The following DLG2 variants were observed in gnomAD, a reference collection of about 807,000 sequenced individuals.
DLG2 encodes disks large homolog 2.
Under a neutral mutation model 132.5 loss-of-function variants are expected in DLG2, and 45 were observed. The observed-to-expected ratio is 0.34, with a 90% CI of 0.27 to 0.44. The LOEUF is 0.44. Among genes scored for constraint, DLG2 ranks in the 20% least tolerant of loss-of-function variants. The pLI is 1.00. For missense variants in DLG2, 1,045 were observed against 1,196.9 expected (o/e 0.87, Z 1.87); for synonymous variants, 424 against 419.6 (o/e 1.01, Z -0.13).
At chr11:84,057,286 G>A (rs562989659) in intron 11 of DLG2, among the ~76,000 whole-genome samples, 30 of 152,294 alleles carry the variant, frequency 2.0e-4, no homozygotes, top group African/African-American at 6.0e-4. Flanking sequence ...TCAGCTAGAA[G>A]AAGGTCTATA....
At chr11:83,524,741 T>C (rs1420100585) in intron 21 of DLG2, among the ~76,000 whole-genome samples, 2 of 152,166 alleles carry the variant, frequency 1.3e-5, no homozygotes, top group Non-Finnish European at 2.9e-5. Context: ...TACGTAATAT[T>C]AAGCTTCCTT....
chr11:85,372,016 T>C (rs2085021590), intron 3 of DLG2, among the ~76,000 whole-genome samples: 2 of 152,170 alleles, frequency 1.3e-5, no homozygotes, highest in South Asian at 2.1e-4. Context: ...ACTTATACAT[T>C]TGTCATTAAA....
At chr11:85,025,266 C>T (rs1270135385) in intron 6 of DLG2, among the ~76,000 whole-genome samples, 2 of 152,122 alleles carry the variant, frequency 1.3e-5, no homozygotes, top group Non-Finnish European at 2.9e-5. Flanking sequence ...GGACAATAAA[C>T]AAATTTCCTC....
chr11:85,137,163 G>T (rs2076188004), intron 5 of DLG2, among the ~76,000 whole-genome samples: 1 of 152,064 alleles, frequency 6.6e-6, no homozygotes, highest in Admixed American at 6.6e-5. Flanking sequence ...TCTAGCTGAA[G>T]TGTTACAAGT....
intron 11 of DLG2, among the ~76,000 whole-genome samples, chr11:84,036,205 G>A (rs990601840): frequency 3.3e-5 from 5 of 151,806 alleles, no homozygotes; most frequent in African/African-American, 4.8e-5. Flanking sequence ...AGGCTTTAGA[G>A]GTTAAAGAAA....
At chr11:85,093,916 T>A (rs1305848734) in intron 6 of DLG2, among the ~76,000 whole-genome samples, 1 of 152,178 alleles carries the variant, frequency 6.6e-6, no homozygotes, top group African/African-American at 2.4e-5. Context: ...CCATTGCATC[T>A]CAAACCATAC....
intron 7 of DLG2, among the ~76,000 whole-genome samples, chr11:84,432,533 T>G (rs1035741127): frequency 7.0e-6 from 1 of 143,262 alleles, no homozygotes; most frequent in African/African-American, 3.0e-5. Flanking sequence ...AAGGCTAATT[T>G]AATCCCCTCC....
intron 6 of DLG2, among the ~76,000 whole-genome samples, chr11:84,577,562 T>A (rs770499195): frequency 5.3e-5 from 8 of 152,186 alleles, no homozygotes; most frequent in Non-Finnish European, 1.2e-4. Flanking sequence ...CCTAGAGATT[T>A]GTGGAACTTT....
At chr11:85,242,251 A>G (rs919680857) in intron 4 of DLG2, among the ~76,000 whole-genome samples, 1 of 151,886 alleles carries the variant, frequency 6.6e-6, no homozygotes, top group African/African-American at 2.4e-5. Flanking sequence ...CTATTGACAA[A>G]TCTGCTATCA....
In DLG2 at chr11:84,042,745, G is replaced by A. The variant is rs116706716; in HGVS notation, c.919+16570C>T. Among the ~76,000 whole-genome samples the A allele has an allele frequency of 4.9e-3, 741 of 151,892 alleles. 4 individuals carry two copies. Among genetic ancestry groups the A allele is most frequent in the African/African-American group, 0.017 (722 of 41,480 alleles). The stretch of plus-strand genomic sequence containing the variant: ...CATGTCCTTTAGAGGGGCATGGATG[G>A]AATTGGAGCCATTATCCTCAGCAAA... On this transcript the variant is annotated intron_variant, in intron 11 of 27. Coordinates refer to ENST00000376104, the MANE Select transcript of DLG2 (RefSeq NM_001142699.3).
Position 83,982,005 on chromosome 11 carries a change from T to TG in DLG2, c.920-1364dup, listed in dbSNP as rs2092822133. On this transcript the variant is annotated intron_variant, in intron 11 of 27. Coordinates refer to ENST00000376104, the MANE Select transcript of DLG2 (RefSeq NM_001142699.3). ...GAGCTGAGAAATGGCTATTGCCAAG[T>TG]GACATCATAGTCATTGTAACATCAT... Among the ~76,000 whole-genome samples, 4 of 152,332 alleles carry TG rather than the reference T, an allele frequency of 2.6e-5. No individual in the cohort carries two copies. The South Asian group carries it at 8.3e-4, about 32-fold the overall frequency.
At chr11:85,351,448 T>C (rs535489956) in intron 3 of DLG2, among the ~76,000 whole-genome samples, 1 of 152,354 alleles carries the variant, frequency 6.6e-6, no homozygotes, top group African/African-American at 2.4e-5. Flanking sequence ...CAACACTATG[T>C]TGAATAGGAG....
chr11:84,267,022 GA>G (rs1390125752), intron 7 of DLG2, among the ~76,000 whole-genome samples: 1 of 152,134 alleles, frequency 6.6e-6, no homozygotes, highest in Non-Finnish European at 1.5e-5. Context: ...ATCCAAAGCA[GA>G]AAAAAATGCA....
At chr11:84,559,175 T>C (rs2099418066) in intron 6 of DLG2, among the ~76,000 whole-genome samples, 1 of 152,142 alleles carries the variant, frequency 6.6e-6, no homozygotes, top group Non-Finnish European at 1.5e-5. Flanking sequence ...CCTATCAGTA[T>C]GTAGAGTACC....
chr11:83,633,743 A>AAACACAC (rs1555268409), intron 18 of DLG2, among the ~76,000 whole-genome samples: 1 of 143,202 alleles, frequency 7.0e-6, no homozygotes. Context: ...CACAGAACTA[A>AAACACAC]ACACACACAC....
intron 18 of DLG2, among the ~76,000 whole-genome samples, chr11:83,634,804 T>G (rs1055914907): frequency 6.6e-6 from 1 of 152,118 alleles, no homozygotes; most frequent in African/African-American, 2.4e-5. Flanking sequence ...AACAGGAAAA[T>G]AAACTCTGAA....
intron 6 of DLG2, among the ~76,000 whole-genome samples, chr11:84,734,529 G>A (rs181735601): frequency 3.9e-4 from 59 of 152,292 alleles, no homozygotes; most frequent in African/African-American, 1.3e-3. Context: ...AGCTTAAGGA[G>A]ATTTTGGGCT....
At chr11:85,035,872 T>C (rs969586071) in intron 6 of DLG2, among the ~76,000 whole-genome samples, 11 of 152,194 alleles carry the variant, frequency 7.2e-5, no homozygotes, top group Non-Finnish European at 1.5e-4. Flanking sequence ...CCGTCATGCA[T>C]ATTTGGCTTC....
chr11:83,902,080 A>T (rs1293747134), intron 15 of DLG2, among the ~76,000 whole-genome samples: 4 of 152,176 alleles, frequency 2.6e-5, no homozygotes, highest in African/African-American at 7.2e-5. Flanking sequence ...GCTAAACACT[A>T]ATTCACAAAT....
Sources: gnomAD v4.1 joint callset for allele counts (sites outside exome capture counted in the v4.1 genomes callset) on GRCh38, gnomAD v4.1.1 for gene constraint, MANE v1.5 for transcripts, NCBI Gene and HGNC (gene_info 2026-07-23, HGNC 2026-07-21) for gene names.